MAP3K1: variants seen among roughly 807,000 people sequenced by gnomAD.
MAP3K1 encodes the protein MAP/ERK kinase kinase 1.
Under a neutral mutation model 144.2 loss-of-function variants are expected in MAP3K1, and 36 were observed. That is an observed-to-expected ratio of 0.25 (90% CI 0.19 to 0.33). The LOEUF is 0.33. MAP3K1 is among the 10% of genes least tolerant of loss of function. MAP3K1 has a pLI of 1.00. For missense variants in MAP3K1, 1,650 were observed against 1,881.9 expected (o/e 0.88, Z 2.28); for synonymous variants, 718 against 688.7 (o/e 1.04, Z -0.67).
intron 1 of MAP3K1, among the ~76,000 whole-genome samples, chr5:56,852,755 G>A (rs1474009641): frequency 6.6e-6 from 1 of 152,104 alleles, no homozygotes; most frequent in African/African-American, 2.4e-5. Flanking sequence ...AAACATTCAC[G>A]TTTAACCAAC....
intron 1 of MAP3K1, among the ~76,000 whole-genome samples, chr5:56,835,722 AAGG>A (rs780780773): frequency 2.0e-5 from 3 of 151,918 alleles, no homozygotes; most frequent in Admixed American, 6.6e-5. Flanking sequence ...TTAAGATAAA[AAGG>A]GGGGGAATTT....
intron 1 of MAP3K1, chr5:56,820,470 A>G: frequency 1.0e-6 from 1 of 984,524 alleles, no homozygotes; most frequent in Admixed American, 6.1e-5. Flanking sequence ...TTGCCTGTTA[A>G]TGTATATAAT....
At chr5:56,831,184 GT>G (rs5868030) in intron 1 of MAP3K1, among the ~76,000 whole-genome samples, 25,316 of 136,064 alleles carry the variant, frequency 0.19, 2,465 homozygotes, top group East Asian at 0.43. Flanking sequence ...AAAATGTTGG[GT>G]TTTTTTTTTT....
chr5:56,831,556 C>T (rs1334889214), intron 1 of MAP3K1, among the ~76,000 whole-genome samples: 1 of 152,158 alleles, frequency 6.6e-6, no homozygotes, highest in Non-Finnish European at 1.5e-5. Flanking sequence ...ATTTAGTTTG[C>T]ACTTTCAAAA....
intron 1 of MAP3K1, among the ~76,000 whole-genome samples, chr5:56,826,671 G>A (rs1020075103): frequency 2.0e-5 from 3 of 152,258 alleles, no homozygotes; most frequent in Admixed American, 6.5e-5. Flanking sequence ...AAGCTGACAG[G>A]TTGTAGGTGA....
chr5:56,833,954 ATAAT>A (rs1231226405), intron 1 of MAP3K1, among the ~76,000 whole-genome samples: 1 of 152,094 alleles, frequency 6.6e-6, no homozygotes, highest in African/African-American at 2.4e-5. Context: ...ACCTTCTTTG[ATAAT>A]TATAAGAGCT....
intron 6 of MAP3K1, among the ~76,000 whole-genome samples, chr5:56,868,492 C>A (rs1350729837): frequency 1.3e-5 from 2 of 152,112 alleles, no homozygotes; most frequent in Non-Finnish European, 2.9e-5. Flanking sequence ...TCATGCCATT[C>A]TCCTGCCTCA....
At chr5:56,855,414 C>G (rs1449321854) in intron 1 of MAP3K1, among the ~76,000 whole-genome samples, 2 of 152,068 alleles carry the variant, frequency 1.3e-5, no homozygotes, top group Non-Finnish European at 2.9e-5. Flanking sequence ...AAGTTTCAAA[C>G]CAAATGTTAT....
chr5:56,871,172 C>G (rs1283034140), intron 6 of MAP3K1, among the ~76,000 whole-genome samples: 1 of 152,112 alleles, frequency 6.6e-6, no homozygotes, highest in Non-Finnish European at 1.5e-5. Context: ...TCATCCTATA[C>G]ATGGTAGTTT....
Position 56,883,739 on chromosome 5 carries a change from G to T in MAP3K1, c.3819+60G>T, listed in dbSNP as rs1158812614. 1.9e-6 allele frequency: 3 copies of T among 1,559,388 alleles called. No individual in the cohort carries two copies. The East Asian group carries it at 6.7e-5, about 35-fold the overall frequency. On this transcript the variant is annotated intron_variant, in intron 15 of 19. Transcript: ENST00000399503. Reference sequence around the variant, plus strand: ...CAAATCACAAAATGAAGCATGTTCAGTAAAAAGAATAAAGGATATGTCCAC... The same window carrying T: ...CAAATCACAAAATGAAGCATGTTCATTAAAAAGAATAAAGGATATGTCCAC...
rs1747454500 is a variant in MAP3K1 at position 56,859,888 on chromosome 5, A to G, written c.807A>G (p.Val269=). 1 of 1,613,260 alleles carries G rather than the reference A, an allele frequency of 6.2e-7. No homozygotes were observed. The highest frequency in any genetic ancestry group is 8.5e-7 in the Non-Finnish European group (1 of 1,179,642). ...GRTVKSESPG[V]RRKRVSPVPF... Reference sequence around the variant, plus strand: ...CAGTGAAATCAGAATCTCCAGGAGTAAGGAGAAAAAGAGTTTCCCCAGTGC... The same window carrying G: ...CAGTGAAATCAGAATCTCCAGGAGTGAGGAGAAAAAGAGTTTCCCCAGTGC... Residue 269 remains valine (V), a synonymous_variant, in exon 3 of 20, where the codon GTA becomes GTG. Transcript: ENST00000399503.
At position 56,893,884 on chromosome 5, in the gene MAP3K1, A is replaced by G; in HGVS notation, c.*204A>G. On this transcript the variant is annotated 3_prime_UTR_variant, in exon 20 of 20. Coordinates refer to ENST00000399503, the MANE Select transcript of MAP3K1 (RefSeq NM_005921.2). ...TATGCAAAAGCCCAAACTAGTGCAGAAACTGTAAACTGTGCCTTTCAAAGA... is the reference window on the plus strand; with the variant it reads ...TATGCAAAAGCCCAAACTAGTGCAGGAACTGTAAACTGTGCCTTTCAAAGA... 1.7e-6 allele frequency: 1 copy of G among 596,386 alleles called. No individual in the cohort carries two copies. The highest frequency in any genetic ancestry group is 2.8e-5 in the East Asian group (1 of 35,288). 36.9% of individuals were successfully genotyped at this position (596,386 alleles called of 1,614,324 possible).
chr5:56,893,569 T>C lies in MAP3K1; in HGVS notation c.4428T>C (p.His1476=). The change falls in exon 20 of 20, where the codon CAT becomes CAC. Residue 1476 remains histidine (H), a synonymous_variant. Coordinates refer to ENST00000399503, the MANE Select transcript of MAP3K1 (RefSeq NM_005921.2). ...SATTAPSIPS[H]LSPGLRDVAL... is the part of the protein sequence containing the mutation. ...CTACTGCTCCATCGATCCCTTCACATTTGTCTCCTGGTTTACGAGATGTGG... is the reference window on the plus strand; with the variant it reads ...CTACTGCTCCATCGATCCCTTCACACTTGTCTCCTGGTTTACGAGATGTGG... 6.2e-7 allele frequency: 1 copy of C among 1,614,020 alleles called. No individual in the cohort carries two copies. The highest frequency in any genetic ancestry group is 8.5e-7 in the Non-Finnish European group (1 of 1,179,884).
chr5:56,827,974 G>C (rs1746371353), intron 1 of MAP3K1, among the ~76,000 whole-genome samples: 2 of 152,062 alleles, frequency 1.3e-5, no homozygotes, highest in Admixed American at 1.3e-4. Context: ...TGGGGTCGTT[G>C]GTGGTATAAT....
At position 56,817,078 on chromosome 5, in the gene MAP3K1, A is replaced by T. The variant is rs978221686; in HGVS notation, c.482+1023A>T. The stretch of plus-strand genomic sequence containing the variant: ...CGCAGTGCGGTGGGCTTCGGCTCAG[A>T]TGCGTCTTCTGGTGCATATGAAGTA... On this transcript the variant is annotated intron_variant, in intron 1 of 19. Coordinates refer to ENST00000399503, the MANE Select transcript of MAP3K1 (RefSeq NM_005921.2). 4.1e-6 allele frequency: 4 copies of T among 985,288 alleles called. No individual in the cohort carries two copies. In the African/African-American group the frequency reaches 7.0e-5, roughly 17 times the overall value. The allele number at this position is 985,288 out of a possible 1,614,324, so 61.0% of individuals were successfully genotyped here.
At chr5:56,888,093 T>C (rs543589214) in intron 18 of MAP3K1, 133 bp from the exon 19 acceptor site, 17 of 743,008 alleles carry the variant, frequency 2.3e-5, no homozygotes, top group Middle Eastern at 3.8e-4. Flanking sequence ...ATAAATTAGA[T>C]ATTAGGTAGT....
At chr5:56,885,889 A>G in intron 16 of MAP3K1, 43 bp from the exon 17 acceptor site, 1 of 1,583,814 alleles carries the variant, frequency 6.3e-7, no homozygotes, top group Non-Finnish European at 8.7e-7. Flanking sequence ...AATACTTTTA[A>G]TTCTGTCTTA....
intron 1 of MAP3K1, among the ~76,000 whole-genome samples, chr5:56,837,223 C>T (rs1579727558): frequency 2.0e-5 from 3 of 152,116 alleles, no homozygotes; most frequent in African/African-American, 7.2e-5. Flanking sequence ...GCCACAAGAT[C>T]TTTGAATCTC....
chr5:56,895,683 T>C lies in MAP3K1; in HGVS notation c.*2003T>C. On this transcript the variant is annotated 3_prime_UTR_variant, in exon 20 of 20. Coordinates refer to ENST00000399503, the MANE Select transcript of MAP3K1 (RefSeq NM_005921.2). ...AATTGTGGTGTTTTGTTTTTTGTTT[T>C]GTTTTCAATGCAAATGTGATGTAAT... The C allele has an allele frequency of 4.3e-6, 1 of 232,522 alleles. No individual in the cohort carries two copies. Among genetic ancestry groups the C allele is most frequent in the Non-Finnish European group, 8.5e-6 (1 of 117,568 alleles). 14.4% of individuals were successfully genotyped at this position (232,522 alleles called of 1,614,324 possible). A position where few individuals can be genotyped will look rare whatever the true frequency, so the allele number is the denominator to read the frequency against.
Sources: gnomAD v4.1 joint callset for allele counts (sites outside exome capture counted in the v4.1 genomes callset) on GRCh38, gnomAD v4.1.1 for gene constraint, MANE v1.5 for transcripts, NCBI Gene and HGNC (gene_info 2026-07-23, HGNC 2026-07-21) for gene names.